MEAK7: variants seen among roughly 807,000 people sequenced by gnomAD.
MEAK7 encodes MTOR associated protein MEAK7, also known as MTOR-associated protein MEAK7.
A neutral mutation model predicts 40.5 loss-of-function variants in MEAK7; 68 were observed. That is an observed-to-expected ratio of 1.68 (90% CI 1.38 to 2.06). MEAK7 has a LOEUF of 2.06. Among genes scored for constraint, MEAK7 ranks in the 30% most tolerant of loss-of-function variants. MEAK7 has a pLI of 0.00. For missense variants in MEAK7, 918 were observed against 580.5 expected, an observed-to-expected ratio of 1.58 and a Z score of -5.98; for synonymous variants, 338 against 231.9, an observed-to-expected ratio of 1.46 and a Z score of -4.16.
Position 84,504,516 on chromosome 16 carries a change from C to T in MEAK7, c.-26+85G>A, listed in dbSNP as rs1379241455. On this transcript the variant is annotated intron_variant, in intron 1 of 7. Transcript: ENST00000343629. ...GGGAGGGGCAGGGCCCAGGCCTACT[C>T]TGGACCCGTCTGCTCCAGTCCCCCG... The T allele has an allele frequency of 3.4e-6, 3 of 882,574 alleles. No homozygotes were observed. In the East Asian group the frequency reaches 3.6e-4, roughly 106 times the overall value. The allele number at this position is 882,574 out of a possible 1,614,324, so 54.7% of individuals were successfully genotyped here.
chr16:84,478,480 T>C lies in MEAK7; in HGVS notation c.*1433A>G, dbSNP rs1050769655. ...TATGGCTTATAATCAAGGCAAACTA[T>C]ACAATAAGAGGTTGTATTTTCATCA... On this transcript the variant is annotated 3_prime_UTR_variant, in exon 8 of 8. Transcript: ENST00000343629. 2.6e-5 allele frequency: 4 copies of C among 152,238 alleles called. No homozygotes were observed. Among genetic ancestry groups the C allele is most frequent in the African/African-American group, 9.6e-5 (4 of 41,456 alleles). 9.4% of individuals were successfully genotyped at this position (152,238 alleles called of 1,614,324 possible).
At chr16:84,499,355 G>A (rs552373606) in intron 1 of MEAK7, among the ~76,000 whole-genome samples, 5 of 152,088 alleles carry the variant, frequency 3.3e-5, no homozygotes, top group Non-Finnish European at 7.4e-5. Flanking sequence ...TCCCACACAG[G>A]CACCTTGATA....
At chr16:84,497,585 T>A (rs1567504276) in intron 2 of MEAK7, 1 of 1,308,444 alleles carries the variant, frequency 7.6e-7, no homozygotes, top group African/African-American at 1.5e-5. Flanking sequence ...CTGATGTTCA[T>A]CTCAAGTTAG....
In MEAK7 at chr16:84,480,019, C is replaced by G. The variant is rs1383873135; in HGVS notation, c.1265G>C (p.Gly422Ala). 1 of 1,598,230 alleles carries G rather than the reference C, an allele frequency of 6.3e-7. No individual in the cohort carries two copies. Among genetic ancestry groups the G allele is most frequent in the Non-Finnish European group, 8.6e-7 (1 of 1,169,364 alleles). Reference sequence around the variant, plus strand: ...GTCCGCATCCAGGATGCTCTTGTTGCCCTTGGCCTTGAGAAGAGAAGAAAG... The same window carrying G: ...GTCCGCATCCAGGATGCTCTTGTTGGCCTTGGCCTTGAGAAGAGAAGAAAG... ...GDPSEEQLAK[G>A]NKSILDADPE... Residue 422 changes from glycine to alanine, a missense_variant, in exon 8 of 8, where the codon GGC (glycine) becomes GCC (alanine). Coordinates refer to ENST00000343629, the MANE Select transcript of MEAK7 (RefSeq NM_020947.4).
At chr16:84,504,324 G>C (rs1057312023) in intron 1 of MEAK7, among the ~76,000 whole-genome samples, 1 of 152,078 alleles carries the variant, frequency 6.6e-6, no homozygotes, top group Non-Finnish European at 1.5e-5. Flanking sequence ...GAAGCACCTC[G>C]CCACCCTCTT....
chr16:84,491,942 G>A (rs1420838467), intron 3 of MEAK7, among the ~76,000 whole-genome samples: 1 of 152,082 alleles, frequency 6.6e-6, no homozygotes, highest in Non-Finnish European at 1.5e-5. Context: ...TCCTTTTGCT[G>A]TTAAGTTACA....
At chr16:84,501,093 CAAAAAAAAAAAGA>C (rs1914460981) in intron 1 of MEAK7, among the ~76,000 whole-genome samples, 1 of 27,818 alleles carries the variant, frequency 3.6e-5, no homozygotes, top group African/African-American at 1.2e-4. Flanking sequence ...AGACTCGTCT[CAAAAAAAAAAAGA>C]AAAAAAAAAA....
At position 84,489,451 on chromosome 16, in the gene MEAK7, A is replaced by T. The variant is rs765997808; in HGVS notation, c.385-29T>A. The T allele has an allele frequency of 1.9e-6, 3 of 1,587,366 alleles. No individual in the cohort carries two copies. In the East Asian group the frequency reaches 6.8e-5, roughly 36 times the overall value. ...TAAGATCACAATTTTACCATTAAAA[A>T]CAGTTCCACCATATCCTGAGACCTA... On this transcript the variant is annotated intron_variant, in intron 3 of 7. Coordinates refer to ENST00000343629, the MANE Select transcript of MEAK7 (RefSeq NM_020947.4).
chr16:84,503,816 T>C (rs1567510029), intron 1 of MEAK7: 1 of 515,710 alleles, frequency 1.9e-6, no homozygotes, highest in African/African-American at 2.1e-5. Context: ...CCCACTAGTA[T>C]CCTAGGAATG....
At position 84,486,892 on chromosome 16, in the gene MEAK7, C is replaced by T; in HGVS notation, c.697G>A (p.Glu233Lys). 1.2e-6 allele frequency: 2 copies of T among 1,614,186 alleles called. No individual in the cohort carries two copies. The highest frequency in any genetic ancestry group is 1.7e-6 in the Non-Finnish European group (2 of 1,180,032). ...CCCCTGCCCTGGTCCACTTGACGCT[C>T]AGGGACCAGGGTAGTCAGATCAAGA... ...SSLDLTTLVP[E>K]RQVDQGRGFE... The change falls in exon 5 of 8, where the codon GAG (glutamate) becomes AAG (lysine). Residue 233 changes from glutamate (E) to lysine (K), a missense_variant. By Grantham distance (56) the Glu-to-Lys change is moderately conservative (BLOSUM62 1). Transcript: ENST00000343629.
rs367933605 is a variant in MEAK7, at chr16:84,498,006, C to T, written c.81G>A (p.Leu27=). ...LPEEQAEIDQ[L]FDALSSDKNS... The stretch of plus-strand genomic sequence containing the variant: ...TTTTATCTGATGACAGAGCATCAAA[C>T]AATTGATCAATCTCTGCCTGTTCCT... The change falls in exon 2 of 8, where the codon TTG becomes TTA. Residue 27 remains leucine, a synonymous_variant. Coordinates refer to ENST00000343629, the MANE Select transcript of MEAK7 (RefSeq NM_020947.4). 1.9e-6 allele frequency: 3 copies of T among 1,614,178 alleles called. No homozygotes were observed. Among genetic ancestry groups the T allele is most frequent in the Non-Finnish European group, 2.5e-6 (3 of 1,180,020 alleles).
In MEAK7 at chr16:84,476,691, G is replaced by A. The variant is rs971629564; in HGVS notation, c.*3222C>T. 1.3e-5 allele frequency: 2 copies of A among 152,152 alleles called. No individual in the cohort carries two copies. The highest frequency in any genetic ancestry group is 2.4e-5 in the African/African-American group (1 of 41,416). The allele number at this position is 152,152 out of a possible 1,614,324, so 9.4% of individuals were successfully genotyped here. On this transcript the variant is annotated 3_prime_UTR_variant, in exon 8 of 8. Coordinates refer to ENST00000343629, the MANE Select transcript of MEAK7 (RefSeq NM_020947.4). ...AGAGGGAGGCAGGTGGGTGGTTACG[G>A]ACCTCCCTTTAAAAAAGAAAGCGAG...
Position 84,477,836 on chromosome 16 carries a change from CAG to C in MEAK7, c.*2075_*2076del, listed in dbSNP as rs909964799. 3 of 152,162 alleles carry C rather than the reference CAG, an allele frequency of 2.0e-5. No individual in the cohort carries two copies. The highest frequency in any genetic ancestry group is 7.2e-5 in the African/African-American group (3 of 41,430). The allele number at this position is 152,162 out of a possible 1,614,324, so 9.4% of individuals were successfully genotyped here. ...AGAACCGTGCACCAAGAGAAGCCCA[CAG>C]AGAGAGCTGCATCCCCCAGGCTCCC... On this transcript the variant is annotated 3_prime_UTR_variant, in exon 8 of 8. Transcript: ENST00000343629.
At chr16:84,481,426 C>T (rs376558431) in intron 6 of MEAK7, among the ~76,000 whole-genome samples, 3 of 152,222 alleles carry the variant, frequency 2.0e-5, no homozygotes, top group Admixed American at 6.5e-5. Flanking sequence ...TGACCGGGGC[C>T]TGCCGGGTGC....
At chr16:84,492,446 G>C (rs751779466) in intron 3 of MEAK7, among the ~76,000 whole-genome samples, 2 of 151,928 alleles carry the variant, frequency 1.3e-5, no homozygotes, top group African/African-American at 4.8e-5. Flanking sequence ...GGGAAATTAA[G>C]TCTCCTCTCT....
intron 6 of MEAK7, among the ~76,000 whole-genome samples, chr16:84,481,213 A>C (rs1211484766): frequency 1.3e-5 from 2 of 152,188 alleles, no homozygotes; most frequent in African/African-American, 4.8e-5. Flanking sequence ...CCGGAGGCGG[A>C]TGCGAACCCC....
rs753602500 is a variant in MEAK7 at position 84,486,800 on chromosome 16, C to T, written c.789G>A (p.Arg263=). ...YINAQLPREQ[R]HRWCLLFSSE... ...ACGAAAAGAGCAGGCACCAGCGGTG[C>T]CGCTGCTCCCGAGGCAGCTGGGCGT... The change falls in exon 5 of 8, where the codon CGG becomes CGA. Residue 263 remains arginine, a synonymous_variant. Coordinates refer to ENST00000343629, the MANE Select transcript of MEAK7 (RefSeq NM_020947.4). The T allele has an allele frequency of 1.2e-6, 2 of 1,614,020 alleles. No homozygotes were observed. Among genetic ancestry groups the T allele is most frequent in the Non-Finnish European group, 1.7e-6 (2 of 1,179,896 alleles).
intron 4 of MEAK7, chr16:84,487,978 T>C (rs926140892): frequency 6.6e-6 from 1 of 152,224 alleles, no homozygotes; most frequent in Admixed American, 6.5e-5. Context: ...TAGCGAAAAT[T>C]TGACTAAGCT....
intron 3 of MEAK7, among the ~76,000 whole-genome samples, chr16:84,491,314 G>A (rs1299270971): frequency 6.6e-6 from 1 of 152,094 alleles, no homozygotes; most frequent in African/African-American, 2.4e-5. Flanking sequence ...AAGGTGGGCA[G>A]ATCATTTGAG....
Sources: gnomAD v4.1 joint callset for allele counts (sites outside exome capture counted in the v4.1 genomes callset) on GRCh38, gnomAD v4.1.1 for gene constraint, MANE v1.5 for transcripts, NCBI Gene and HGNC (gene_info 2026-07-23, HGNC 2026-07-21) for gene names.